SLC1A1: variants seen among roughly 807,000 people sequenced by gnomAD.
SLC1A1 encodes excitatory amino acid transporter 3.
A neutral mutation model predicts 53.3 loss-of-function variants in SLC1A1; 43 were observed. The observed-to-expected ratio is 0.81, with a 90% confidence interval of 0.63 to 1.04. The LOEUF is 1.04. Among genes scored for constraint, SLC1A1 ranks in the 50% least tolerant of loss-of-function variants. The pLI, the probability that SLC1A1 is intolerant of heterozygous loss-of-function variation, is 0.00. For synonymous variants in SLC1A1, 307 were observed against 243.2 expected (o/e 1.26, Z -2.44); for missense variants, 748 against 664.9 (o/e 1.12, Z -1.37).
chr9:4,508,139 A>T (rs1820865966), intron 1 of SLC1A1, among the ~76,000 whole-genome samples: 1 of 151,566 alleles, frequency 6.6e-6, no homozygotes, highest in Admixed American at 6.6e-5. Context: ...CGTGGGATAG[A>T]TAAAGGGTCT....
Position 4,490,620 on chromosome 9 carries a change from C to T in SLC1A1, c.-60C>T, listed in dbSNP as rs1198288090. 19 of 1,416,348 alleles carry T rather than the reference C, an allele frequency of 1.3e-5. No homozygotes were observed. Among genetic ancestry groups the T allele is most frequent in the Admixed American group, 1.8e-5 (1 of 55,686 alleles). The allele number at this position is 1,416,348 out of a possible 1,614,324, so 87.7% of individuals were successfully genotyped here. A position where few individuals can be genotyped will look rare whatever the true frequency, so the allele number is the denominator to read the frequency against. ...CCGCGCCGCCGAGCAGCCAGCAGTCCCCGGGTCGCCCAGCCCACGCGCGCA... is the reference window on the plus strand; with the variant it reads ...CCGCGCCGCCGAGCAGCCAGCAGTCTCCGGGTCGCCCAGCCCACGCGCGCA... On this transcript the variant is annotated 5_prime_UTR_variant, in exon 1 of 12. Coordinates refer to ENST00000262352, the MANE Select transcript of SLC1A1 (RefSeq NM_004170.6).
chr9:4,507,876 G>C (rs1254760023), intron 1 of SLC1A1, among the ~76,000 whole-genome samples: 1 of 152,144 alleles, frequency 6.6e-6, no homozygotes, highest in African/African-American at 2.4e-5. Flanking sequence ...TACACACAGG[G>C]AGATGGCTTC....
intron 7 of SLC1A1, among the ~76,000 whole-genome samples, chr9:4,573,298 A>G (rs1317318728): frequency 6.6e-6 from 1 of 152,216 alleles, no homozygotes; most frequent in East Asian, 1.9e-4. Flanking sequence ...TTCAGTAAAA[A>G]TGGCAAGGCA....
At chr9:4,534,325 A>C (rs867476504) in intron 1 of SLC1A1, among the ~76,000 whole-genome samples, 1 of 152,222 alleles carries the variant, frequency 6.6e-6, no homozygotes, top group Middle Eastern at 3.2e-3. Context: ...AAGAGTAATA[A>C]AGAAGAAAAG....
chr9:4,561,565 A>C, intron 3 of SLC1A1, 24 bp downstream of exon 3: 2 of 1,328,408 alleles, frequency 1.5e-6, no homozygotes, highest in Non-Finnish European at 1.1e-6. Context: ...CTGAATCCTT[A>C]CTACTTTATG....
At position 4,490,615 on chromosome 9, in the gene SLC1A1, C is replaced by G; in HGVS notation, c.-65C>G. 1 of 1,325,082 alleles carries G rather than the reference C, an allele frequency of 7.5e-7. No individual in the cohort carries two copies. Among genetic ancestry groups the G allele is most frequent in the Non-Finnish European group, 1.1e-6 (1 of 930,488 alleles). 82.1% of individuals were successfully genotyped at this position (1,325,082 alleles called of 1,614,324 possible). ...TCTCGCCGCGCCGCCGAGCAGCCAG[C>G]AGTCCCCGGGTCGCCCAGCCCACGC... On this transcript the variant is annotated 5_prime_UTR_variant, in exon 1 of 12. Transcript: ENST00000262352.
At chr9:4,525,432 TAG>T (rs1215514065) in intron 1 of SLC1A1, among the ~76,000 whole-genome samples, 2 of 152,080 alleles carry the variant, frequency 1.3e-5, no homozygotes, top group African/African-American at 4.8e-5. Flanking sequence ...AGCCTGTAGG[TAG>T]ACTTTCACAA....
At chr9:4,575,559 ATACAGGG>A (rs1057338447) in intron 8 of SLC1A1, among the ~76,000 whole-genome samples, 14 of 152,178 alleles carry the variant, frequency 9.2e-5, no homozygotes, top group African/African-American at 3.4e-4. Context: ...TAGTGGTGAC[ATACAGGG>A]TGCCAAGGAA....
intron 8 of SLC1A1, among the ~76,000 whole-genome samples, chr9:4,574,719 C>T (rs1414688393): frequency 1.3e-5 from 2 of 152,046 alleles, no homozygotes; most frequent in Non-Finnish European, 2.9e-5. Flanking sequence ...TGTCACATAC[C>T]CTAAGAAATA....
At chr9:4,509,251 G>A (rs1013282477) in intron 1 of SLC1A1, among the ~76,000 whole-genome samples, 1 of 152,182 alleles carries the variant, frequency 6.6e-6, no homozygotes. Flanking sequence ...TGCTGGGATT[G>A]GGGGGTGAGA....
rs372731393 is a variant in SLC1A1, at chr9:4,572,243, G to C, written c.622G>C (p.Asp208His). The C allele has an allele frequency of 2.4e-5, 38 of 1,613,962 alleles. No individual in the cohort carries two copies. The highest frequency in any genetic ancestry group is 3.1e-5 in the Non-Finnish European group (37 of 1,179,940). Residue 208 changes from aspartate to histidine, a missense_variant, in exon 7 of 12, where the codon GAT (aspartate) becomes CAT (histidine). Physicochemically the swap from Asp to His is moderately conservative, Grantham distance 81. Transcript: ENST00000262352. ...ATACAAAATTGTTGGCATGTATTCA[G>C]ATGGCATAAACGTCCTGGGCTTGAT... ...KEYKIVGMYS[D>H]GINVLGLIVF...
intron 1 of SLC1A1, among the ~76,000 whole-genome samples, chr9:4,499,570 C>A (rs1485212964): frequency 9.2e-6 from 1 of 108,412 alleles, no homozygotes; most frequent in Non-Finnish European, 1.9e-5. Flanking sequence ...ATATATGACT[C>A]AAGTCTATCA....
chr9:4,559,562 G>A (rs1353158638), intron 2 of SLC1A1, among the ~76,000 whole-genome samples: 1 of 152,046 alleles, frequency 6.6e-6, no homozygotes, highest in Non-Finnish European at 1.5e-5. Flanking sequence ...AAAATGGATA[G>A]GCCTTTTAGT....
intron 3 of SLC1A1, 76 bp from the exon 4 acceptor site, chr9:4,564,268 T>G: frequency 5.2e-6 from 5 of 970,644 alleles, no homozygotes; most frequent in Non-Finnish European, 8.1e-6. Context: ...ACCATGCCCA[T>G]TGTTCTAAAG....
chr9:4,531,210 C>T (rs1405833820), intron 1 of SLC1A1, among the ~76,000 whole-genome samples: 2 of 152,188 alleles, frequency 1.3e-5, no homozygotes, highest in African/African-American at 2.4e-5. Context: ...AAAGTGGGTG[C>T]AGGACAGTGG....
At chr9:4,514,582 G>T (rs921382422) in intron 1 of SLC1A1, among the ~76,000 whole-genome samples, 1 of 152,126 alleles carries the variant, frequency 6.6e-6, no homozygotes, top group African/African-American at 2.4e-5. Flanking sequence ...AGAGCAGAGG[G>T]AGCAATAAAT....
At chr9:4,496,742 A>G (rs1052038137) in intron 1 of SLC1A1, among the ~76,000 whole-genome samples, 2 of 152,044 alleles carry the variant, frequency 1.3e-5, no homozygotes, top group African/African-American at 4.8e-5. Flanking sequence ...CAAAATAAAA[A>G]TTAAATTAGC....
chr9:4,531,195 G>GTC (rs1312108685), intron 1 of SLC1A1, among the ~76,000 whole-genome samples: 1 of 152,218 alleles, frequency 6.6e-6, no homozygotes, highest in Non-Finnish European at 1.5e-5. Context: ...ACTGGGGAGT[G>GTC]TCGGAAAGTG....
intron 7 of SLC1A1, among the ~76,000 whole-genome samples, chr9:4,573,651 G>A (rs1195893724): frequency 6.6e-6 from 1 of 152,112 alleles, no homozygotes; most frequent in Non-Finnish European, 1.5e-5. Context: ...CTAACCACAT[G>A]TTCTTGCCAA....
Sources: gnomAD v4.1 joint callset for allele counts (sites outside exome capture counted in the v4.1 genomes callset) on GRCh38, gnomAD v4.1.1 for gene constraint, MANE v1.5 for transcripts, NCBI Gene and HGNC (gene_info 2026-07-23, HGNC 2026-07-21) for gene names.